DHRS7: variants seen among roughly 807,000 people sequenced by gnomAD.
DHRS7 encodes dehydrogenase/reductase SDR family member 7.
In DHRS7, 34 loss-of-function variants were observed where a neutral mutation model predicts 38.9. The observed-to-expected ratio is 0.87, with a 90% CI of 0.66 to 1.16. The LOEUF is 1.16. Among genes scored for constraint, DHRS7 ranks in the 50% most tolerant of loss-of-function variants. The pLI, the probability that DHRS7 is intolerant of heterozygous loss-of-function variation, is 0.00. For missense variants in DHRS7, 421 were observed against 407.0 expected (o/e 1.03, Z -0.30); for synonymous variants, 158 against 153.1 (o/e 1.03, Z -0.24).
intron 1 of DHRS7, among the ~76,000 whole-genome samples, chr14:60,163,235 A>ATGACTAAATAAGCATC (rs1896799503): frequency 6.6e-6 from 1 of 152,238 alleles, no homozygotes; most frequent in Admixed American, 6.5e-5. Flanking sequence ...AAATAAGCAT[A>ATGACTAAATAAGCATC]TGACTAAATT....
At chr14:60,163,400 T>C (rs991098362) in intron 1 of DHRS7, among the ~76,000 whole-genome samples, 21 of 152,156 alleles carry the variant, frequency 1.4e-4, no homozygotes, top group African/African-American at 5.1e-4. Context: ...ATGACCCTCC[T>C]ACCTTAGCCT....
upstream of DHRS7, chr14:60,169,657 C>G (rs1896909029): frequency 6.6e-6 from 1 of 152,282 alleles, no homozygotes; most frequent in Admixed American, 6.5e-5. Context: ...CCCTAGGCAG[C>G]CACTGATCTA....
intron 1 of DHRS7, chr14:60,158,969 C>G (rs1896710231): frequency 3.3e-6 from 1 of 301,520 alleles, no homozygotes; most frequent in East Asian, 9.1e-5. Context: ...CTTCTGGTGT[C>G]GGTGGGTCCA....
chr14:60,145,569 G>A lies in DHRS7; in HGVS notation c.973-556C>T, dbSNP rs1896383553. ...TGCACCTGTAATCCCAGCTACCCGG[G>A]AGGCTGAGGCAAGAGAATTGCTTGA... On this transcript the variant is annotated intron_variant, in intron 6 of 6. Coordinates refer to ENST00000557185, the MANE Select transcript of DHRS7 (RefSeq NM_016029.4). The surrounding 1 kb of genome is among the most constrained non-coding windows in gnomAD (Gnocchi z 4.0). 2 of 152,232 alleles carry A rather than the reference G, an allele frequency of 1.3e-5. No individual in the cohort carries two copies. The highest frequency in any genetic ancestry group is 4.8e-5 in the African/African-American group (2 of 41,418). 9.4% of individuals were successfully genotyped at this position (152,232 alleles called of 1,614,324 possible). A position where few individuals can be genotyped will look rare whatever the true frequency, so the allele number is the denominator to read the frequency against.
At chr14:60,159,276 A>G (rs1371480166) in intron 1 of DHRS7, 2 of 432,694 alleles carry the variant, frequency 4.6e-6, no homozygotes, top group South Asian at 2.0e-5. Context: ...AGAAAATTTC[A>G]TGTCAGCTTC....
rs1595204152 is a variant in DHRS7, at chr14:60,165,378, G to T, written c.-69C>A. 1 of 1,516,192 alleles carries T rather than the reference G, an allele frequency of 6.6e-7. No individual in the cohort carries two copies. Among genetic ancestry groups the T allele is most frequent in the East Asian group, 2.4e-5 (1 of 41,012 alleles). The allele number at this position is 1,516,192 out of a possible 1,614,324, so 93.9% of individuals were successfully genotyped here. Reference sequence around the variant, plus strand: ...ACCAGAGTCGCGTCGCTGCCCTGCGGGATCGCAGCGCCACCCCTTCGGCCA... The same window carrying T: ...ACCAGAGTCGCGTCGCTGCCCTGCGTGATCGCAGCGCCACCCCTTCGGCCA... On this transcript the variant is annotated 5_prime_UTR_variant, in exon 1 of 7. Coordinates refer to ENST00000557185, the MANE Select transcript of DHRS7 (RefSeq NM_016029.4). This position sits in a 1 kb window ranked among gnomAD's most constrained non-coding sequence, Gnocchi z 4.6.
chr14:60,163,031 G>C (rs1356037709), intron 1 of DHRS7, among the ~76,000 whole-genome samples: 1 of 151,942 alleles, frequency 6.6e-6, no homozygotes, highest in Non-Finnish European at 1.5e-5. Context: ...TTACCCATGC[G>C]TGGTGGCACG....
rs757644383 is a variant in DHRS7 at position 60,149,360 on chromosome 14, C to T, written c.965G>A (p.Ser322Asn). 3.7e-6 allele frequency: 6 copies of T among 1,614,106 alleles called. No homozygotes were observed. Among genetic ancestry groups the T allele is most frequent in the Non-Finnish European group, 5.1e-6 (6 of 1,179,958 alleles). ...MGKKRIENFK[S>N]GVDADSSYFK... The stretch of plus-strand genomic sequence containing the variant: ...CTTAGAAATTGGTCTTACCACACCA[C>T]TCTTAAAGTTCTCAATCCTTTTCTT... The change falls in exon 6 of 7, where the codon AGT becomes AAT. Residue 322 changes from serine to asparagine, a missense_variant. Ser to Asn is a conservative substitution (Grantham distance 46). Coordinates refer to ENST00000557185, the MANE Select transcript of DHRS7 (RefSeq NM_016029.4).
intron 1 of DHRS7, among the ~76,000 whole-genome samples, chr14:60,164,029 C>T (rs1327159390): frequency 6.6e-6 from 1 of 152,012 alleles, no homozygotes; most frequent in East Asian, 1.9e-4. Flanking sequence ...ACTGCTGTGG[C>T]GTCCATGTTG....
intron 1 of DHRS7, among the ~76,000 whole-genome samples, chr14:60,158,556 CT>C (rs1465475093): frequency 6.6e-6 from 1 of 151,636 alleles, no homozygotes; most frequent in African/African-American, 2.4e-5. Context: ...ATATTTAAAG[CT>C]GATGGTGTAA....
In DHRS7 at chr14:60,146,606, C is replaced by T. The variant is rs550602449; in HGVS notation, c.973-1593G>A. On this transcript the variant is annotated intron_variant, in intron 6 of 6. Coordinates refer to ENST00000557185, the MANE Select transcript of DHRS7 (RefSeq NM_016029.4). The surrounding 1 kb of genome is among the most constrained non-coding windows in gnomAD (Gnocchi z 4.9). ...CTCCCATGTTCATTTTAGCATTATT[C>T]ATAATAGCCAAGATATGGAAACAAC... The T allele has an allele frequency of 6.6e-6, 1 of 152,156 alleles. No individual in the cohort carries two copies. The highest frequency in any genetic ancestry group is 2.4e-5 in the African/African-American group (1 of 41,510). 9.4% of individuals were successfully genotyped at this position (152,156 alleles called of 1,614,324 possible).
At chr14:60,164,953 G>A (rs1245873177) in intron 1 of DHRS7, among the ~76,000 whole-genome samples, 2 of 152,262 alleles carry the variant, frequency 1.3e-5, no homozygotes, top group African/African-American at 4.8e-5. Context: ...TGAATGGCAA[G>A]TCCATGCCAT....
upstream of DHRS7, among the ~76,000 whole-genome samples, chr14:60,165,834 A>G (rs2140620440): frequency 6.6e-6 from 1 of 152,296 alleles, no homozygotes; most frequent in East Asian, 1.9e-4. This position sits in a 1 kb window ranked among gnomAD's most constrained non-coding sequence, Gnocchi z 4.6. Flanking sequence ...CTGAAGAAAG[A>G]CTGTGGCTAT....
In DHRS7 at chr14:60,149,364, T is replaced by A; in HGVS notation, c.961A>T (p.Lys321Ter). The change falls in exon 6 of 7, where the codon AAG (lysine) becomes TAG (stop). Residue 321 changes from lysine (K) to a stop codon, truncating the protein, a stop_gained. Transcript: ENST00000557185. LOFTEE classifies it high-confidence loss of function. ...KMGKKRIENF[K>*]SGVDADSSYF... The stretch of plus-strand genomic sequence containing the variant: ...GAAATTGGTCTTACCACACCACTCT[T>A]AAAGTTCTCAATCCTTTTCTTCCCC... The A allele has an allele frequency of 6.2e-7, 1 of 1,614,148 alleles. No individual in the cohort carries two copies. Among genetic ancestry groups the A allele is most frequent in the Non-Finnish European group, 8.5e-7 (1 of 1,179,976 alleles).
At chr14:60,150,227 A>G in intron 4 of DHRS7, 40 bp from the exon 5 acceptor site, 1 of 1,490,552 alleles carries the variant, frequency 6.7e-7, no homozygotes, top group Non-Finnish European at 9.0e-7. Flanking sequence ...AAGGCAAATA[A>G]ATACAGACAC....
intron 4 of DHRS7, among the ~76,000 whole-genome samples, chr14:60,151,395 A>G (rs1187438245): frequency 6.6e-6 from 1 of 152,202 alleles, no homozygotes; most frequent in East Asian, 1.9e-4. Context: ...TGAAAAGCCT[A>G]AACAGCTAAC....
At chr14:60,150,904 TA>T (rs1204997221) in intron 4 of DHRS7, among the ~76,000 whole-genome samples, 1 of 152,092 alleles carries the variant, frequency 6.6e-6, no homozygotes, top group East Asian at 1.9e-4. Flanking sequence ...ACTGGATAGG[TA>T]AAAAGAACTA....
intron 4 of DHRS7, chr14:60,152,668 C>A: frequency 4.4e-6 from 2 of 449,826 alleles, no homozygotes; most frequent in South Asian, 2.9e-5. Context: ...GGGCAGAGAC[C>A]ACATCTTATT....
At position 60,144,973 on chromosome 14, in the gene DHRS7, T is replaced by C. The variant is rs1017440304; in HGVS notation, c.1013A>G (p.His338Arg). 13 of 1,605,016 alleles carry C rather than the reference T, an allele frequency of 8.1e-6. No individual in the cohort carries two copies. The highest frequency in any genetic ancestry group is 1.1e-5 in the Non-Finnish European group (13 of 1,177,218). ...SSYFKIFKTK[H>R]D Reference sequence around the variant, plus strand: ...AAAGTACAGGTGCTCTTTTCAGTCATGTTTTGTCTTAAAGATTTTAAAATA... The same window carrying C: ...AAAGTACAGGTGCTCTTTTCAGTCACGTTTTGTCTTAAAGATTTTAAAATA... Residue 338 changes from histidine (H) to arginine (R), a missense_variant, in exon 7 of 7, where the codon CAT (histidine) becomes CGT (arginine). Physicochemically the swap from His to Arg is conservative, Grantham distance 29. Transcript: ENST00000557185.
Sources: gnomAD v4.1 joint callset for allele counts (sites outside exome capture counted in the v4.1 genomes callset) on GRCh38, gnomAD v4.1.1 for gene constraint, Gnocchi (gnomAD v3.1) non-coding constraint, MANE v1.5 for transcripts, NCBI Gene and HGNC (gene_info 2026-07-23, HGNC 2026-07-21) for gene names.